The following SLC17A7 variants were observed in gnomAD, a reference collection of about 807,000 sequenced individuals.
The protein encoded by SLC17A7 is vesicular glutamate transporter 1.
In SLC17A7, 15 loss-of-function variants were observed where a neutral mutation model predicts 59.1. That is an observed-to-expected ratio of 0.25 (90% confidence interval 0.17 to 0.39). The LOEUF is 0.39. SLC17A7 is among the 10% of genes least tolerant of loss of function. The pLI, the probability that SLC17A7 is intolerant of heterozygous loss-of-function variation, is 1.00. For synonymous variants in SLC17A7, 353 were observed against 308.9 expected (o/e 1.14, Z -1.50); for missense variants, 499 against 765.1 (o/e 0.65, Z 4.10).
chr19:49,436,998 A>T lies in SLC17A7; in HGVS notation c.63-197T>A. On this transcript the variant is annotated intron_variant, in intron 1 of 11. Transcript: ENST00000221485. This position sits in a 1 kb window ranked among gnomAD's most constrained non-coding sequence, Gnocchi z 4.1. ...ATCCTCCATCTCCCTCAGACCGGGA[A>T]TTCAGGCCCCCAGCCCCCTCCTTCT... 4.4e-6 allele frequency: 3 copies of T among 677,264 alleles called. No homozygotes were observed. Among genetic ancestry groups the T allele is most frequent in the Non-Finnish European group, 4.8e-6 (2 of 415,024 alleles). The allele number at this position is 677,264 out of a possible 1,614,324, so 42.0% of individuals were successfully genotyped here.
At position 49,434,047 on chromosome 19, in the gene SLC17A7, C is replaced by G; in HGVS notation, c.638-1G>C. Reference sequence around the variant, plus strand: ...GCGACCACCGCCCCAGCATAGGAACCTAAGGGGGAGGATGCGGGGGAGAGA... The same window carrying G: ...GCGACCACCGCCCCAGCATAGGAACGTAAGGGGGAGGATGCGGGGGAGAGA... On this transcript the variant is annotated splice_acceptor_variant, in intron 5 of 11. Transcript: ENST00000221485. LOFTEE classifies it high-confidence loss of function. 6.2e-7 allele frequency: 1 copy of G among 1,609,494 alleles called. No individual in the cohort carries two copies. Among genetic ancestry groups the G allele is most frequent in the Non-Finnish European group, 8.5e-7 (1 of 1,176,254 alleles).
At chr19:49,441,208 G>T in intron 1 of SLC17A7, 110 bp downstream of exon 1, 1 of 1,520,856 alleles carries the variant, frequency 6.6e-7, no homozygotes. Flanking sequence ...CAGATGGGTG[G>T]ACCCCCATGC....
intron 1 of SLC17A7, chr19:49,437,136 G>T: frequency 2.4e-6 from 1 of 409,792 alleles, no homozygotes; most frequent in Non-Finnish European, 4.5e-6. Context: ...CCCACTCCGA[G>T]GCCCAAAGAC....
At position 49,432,561 on chromosome 19, in the gene SLC17A7, T is replaced by C; in HGVS notation, c.1108A>G (p.Ile370Val). The C allele has an allele frequency of 1.2e-6, 2 of 1,611,656 alleles. No individual in the cohort carries two copies. Among genetic ancestry groups the C allele is most frequent in the Non-Finnish European group, 1.7e-6 (2 of 1,179,522 alleles). The stretch of plus-strand genomic sequence containing the variant: ...TTGCGCACGTTGGTGGTGGACATGA[T>C]GCGGCGGCTCCGCAGGAAGTCCGCG... ...QIADFLRSRR[I>V]MSTTNVRKLM... The change falls in exon 9 of 12, where the codon ATC (isoleucine) becomes GTC (valine). Residue 370 changes from isoleucine (I) to valine (V), a missense_variant. Physicochemically the swap from Ile to Val is conservative, Grantham distance 29 (BLOSUM62 3). This residue lies in a region of SLC17A7 where 323 missense variants were observed against 607.2 expected (regional missense o/e 0.53). Coordinates refer to ENST00000221485, the MANE Select transcript of SLC17A7 (RefSeq NM_020309.4).
In SLC17A7 at chr19:49,431,215, C is replaced by T; in HGVS notation, c.1262-73G>A. The stretch of plus-strand genomic sequence containing the variant: ...GTGATTCCCACTGGGACGTTCTCAA[C>T]CCTCTCCCCTCCCCGCCACTCATGT... On this transcript the variant is annotated intron_variant, in intron 10 of 11. Transcript: ENST00000221485. The surrounding 1 kb of genome is among the most constrained non-coding windows in gnomAD (Gnocchi z 4.6). 1 of 1,565,024 alleles carries T rather than the reference C, an allele frequency of 6.4e-7. No individual in the cohort carries two copies. Among genetic ancestry groups the T allele is most frequent in the Non-Finnish European group, 8.7e-7 (1 of 1,152,490 alleles).
chr19:49,432,202 G>A (rs917908366), intron 9 of SLC17A7, among the ~76,000 whole-genome samples: 3 of 152,178 alleles, frequency 2.0e-5, no homozygotes, highest in African/African-American at 7.2e-5. Flanking sequence ...TCATCACCTA[G>A]TTCATGTCCT....
chr19:49,436,597 G>T lies in SLC17A7; in HGVS notation c.267C>A (p.Ser89=). ...GGTGGGTCGTGCTGTTATTGACCAT[G>T]GAGACGATGGCCACGCCCAGGTTGC... The part of the protein sequence containing the change: ...IRCNLGVAIV[S]MVNNSTTHRG... Residue 89 remains serine, a synonymous_variant, in exon 2 of 12, where the codon TCC becomes TCA. Coordinates refer to ENST00000221485, the MANE Select transcript of SLC17A7 (RefSeq NM_020309.4). This position sits in a 1 kb window ranked among gnomAD's most constrained non-coding sequence, Gnocchi z 4.1. The T allele has an allele frequency of 6.2e-7, 1 of 1,614,004 alleles. No homozygotes were observed. The highest frequency in any genetic ancestry group is 2.2e-5 in the East Asian group (1 of 44,878).
intron 3 of SLC17A7, 101 bp from the exon 4 acceptor site, chr19:49,434,983 C>T (rs1293356234): frequency 2.5e-6 from 3 of 1,194,110 alleles, no homozygotes; most frequent in Admixed American, 1.8e-5. Context: ...TCCCCGGGAC[C>T]CCAGGTCCCA....
Position 49,436,474 on chromosome 19 carries a change from G to A in SLC17A7, c.315+75C>T, listed in dbSNP as rs546951877. ...CGTGGCCTGGACGTCTGGTGGGTGA[G>A]TGTGACGTCATGGGGGCGTAGGCGG... On this transcript the variant is annotated intron_variant, in intron 2 of 11. Coordinates refer to ENST00000221485, the MANE Select transcript of SLC17A7 (RefSeq NM_020309.4). This position sits in a 1 kb window ranked among gnomAD's most constrained non-coding sequence, Gnocchi z 4.1. 1.5e-5 allele frequency: 23 copies of A among 1,555,098 alleles called. No individual in the cohort carries two copies. The Admixed American group carries it at 3.4e-4, about 23-fold the overall frequency.
Position 49,430,826 on chromosome 19 carries a change from T to C in SLC17A7, c.1390-14A>G. On this transcript the variant is annotated splice_polypyrimidine_tract_variant and intron_variant, in intron 11 of 11. Coordinates refer to ENST00000221485, the MANE Select transcript of SLC17A7 (RefSeq NM_020309.4). ...CTCCTCCCGAGTCTGCAGGGGACAATAGGGCTGAGGTCAAATGGGAGGACA... is the reference window on the plus strand; with the variant it reads ...CTCCTCCCGAGTCTGCAGGGGACAACAGGGCTGAGGTCAAATGGGAGGACA... The C allele has an allele frequency of 6.3e-7, 1 of 1,596,480 alleles. No homozygotes were observed. The highest frequency in any genetic ancestry group is 1.1e-5 in the South Asian group (1 of 88,438).
rs75984280 is a variant in SLC17A7, at chr19:49,431,578, C to T, written c.1151-130G>A. On this transcript the variant is annotated intron_variant, in intron 9 of 11. Transcript: ENST00000221485. This position sits in a 1 kb window ranked among gnomAD's most constrained non-coding sequence, Gnocchi z 4.6. ...ATCCACCCCAGTCTGGCCACCTCCA[C>T]GCCCAGGCCTCTTCGCGCCCTCCAC... The T allele has an allele frequency of 0.084, 59,168 of 700,378 alleles. 3,214 individuals are homozygous for T. The highest frequency in any genetic ancestry group is 0.11 in the Non-Finnish European group (45,437 of 416,868). The allele number at this position is 700,378 out of a possible 1,614,324, so 43.4% of individuals were successfully genotyped here. A position where few individuals can be genotyped will look rare whatever the true frequency, so the allele number is the denominator to read the frequency against.
At chr19:49,434,415 T>C (rs1371628819) in intron 5 of SLC17A7, among the ~76,000 whole-genome samples, 187 bp downstream of exon 5, 60 of 86,072 alleles carry the variant, frequency 7.0e-4, no homozygotes, top group African/African-American at 1.0e-3. Flanking sequence ...GCCCCTCCTC[T>C]CTCAGACCCA....
In SLC17A7 at chr19:49,434,115, C is replaced by T; in HGVS notation, c.638-69G>A. 3.0e-6 allele frequency: 3 copies of T among 1,008,082 alleles called. 1 individual carries two copies. Among genetic ancestry groups the T allele is most frequent in the Non-Finnish European group, 4.7e-6 (3 of 641,594 alleles). 62.4% of individuals were successfully genotyped at this position (1,008,082 alleles called of 1,614,324 possible). A position where few individuals can be genotyped will look rare whatever the true frequency, so the allele number is the denominator to read the frequency against. ...CAGATCAAGGAGTGCGGACCCCCAC[C>T]GCTTCCCCCTTTCCAGACACTGAAT... On this transcript the variant is annotated intron_variant, in intron 5 of 11. Transcript: ENST00000221485.
Position 49,430,427 on chromosome 19 carries a change from A to C in SLC17A7, c.*92T>G. On this transcript the variant is annotated 3_prime_UTR_variant, in exon 12 of 12. Coordinates refer to ENST00000221485, the MANE Select transcript of SLC17A7 (RefSeq NM_020309.4). ...GTGCTTCTTAGGCCTGAGGCAGGAC[A>C]GAGAGGAGCAGGGTTCCTTGACACT... 1 of 899,594 alleles carries C rather than the reference A, an allele frequency of 1.1e-6. No individual in the cohort carries two copies. The highest frequency in any genetic ancestry group is 1.7e-6 in the Non-Finnish European group (1 of 592,566). 55.7% of individuals were successfully genotyped at this position (899,594 alleles called of 1,614,324 possible).
In SLC17A7 at chr19:49,436,934, G is replaced by A. The variant is rs958814842; in HGVS notation, c.63-133C>T. 1.5e-6 allele frequency: 2 copies of A among 1,333,962 alleles called. No homozygotes were observed. The highest frequency in any genetic ancestry group is 2.7e-5 in the Admixed American group (1 of 36,598). The allele number at this position is 1,333,962 out of a possible 1,614,324, so 82.6% of individuals were successfully genotyped here. On this transcript the variant is annotated intron_variant, in intron 1 of 11. Transcript: ENST00000221485. This position sits in a 1 kb window ranked among gnomAD's most constrained non-coding sequence, Gnocchi z 4.1. ...GCCCGCACCTCCTCCTTCACCAAGAGTCCAGGTCCCTGGCTCCCTTCGCCC... is the reference window on the plus strand; with the variant it reads ...GCCCGCACCTCCTCCTTCACCAAGAATCCAGGTCCCTGGCTCCCTTCGCCC...
intron 7 of SLC17A7, 22 bp from the exon 8 acceptor site, chr19:49,432,982 C>G (rs2078966585): frequency 1.3e-6 from 2 of 1,598,710 alleles, no homozygotes; most frequent in Non-Finnish European, 1.7e-6. Context: ...AGGGGAGGGC[C>G]GCTAAGACGG....
chr19:49,431,328 C>T lies in SLC17A7; in HGVS notation c.1261+10G>A, dbSNP rs1404548442. ...CAGAGTCCCCCAAGCTGCGGATCCG[C>T]GGTTCTCACCAGAGATGGCGAAGCC... is the stretch of plus-strand genomic sequence containing the variant. On this transcript the variant is annotated intron_variant, in intron 10 of 11. Coordinates refer to ENST00000221485, the MANE Select transcript of SLC17A7 (RefSeq NM_020309.4). This position sits in a 1 kb window ranked among gnomAD's most constrained non-coding sequence, Gnocchi z 4.6. 1.2e-6 allele frequency: 2 copies of T among 1,613,350 alleles called. No homozygotes were observed. Among genetic ancestry groups the T allele is most frequent in the African/African-American group, 2.7e-5 (2 of 75,024 alleles).
rs1390301901 is a variant in SLC17A7 at position 49,436,714 on chromosome 19, C to T, written c.150G>A (p.Pro50=). The change falls in exon 2 of 12, where the codon CCG becomes CCA. Residue 50 remains proline, a synonymous_variant. Transcript: ENST00000221485. This position sits in a 1 kb window ranked among gnomAD's most constrained non-coding sequence, Gnocchi z 4.1. The stretch of plus-strand genomic sequence containing the variant: ...GGCCGAAGCAGGTGCAGTCCACCAC[C>T]GGCGGGTCCCGGGTCTGCGTGGTCA... ...RPVTTQTRDP[P]VVDCTCFGLP... 1 of 1,612,694 alleles carries T rather than the reference C, an allele frequency of 6.2e-7. No homozygotes were observed. The highest frequency in any genetic ancestry group is 8.5e-7 in the Non-Finnish European group (1 of 1,179,952).
chr19:49,432,642 C>A lies in SLC17A7; in HGVS notation c.1027G>T (p.Val343Leu). ...ATGACCAGGTGGGGCAGCGCGGACA[C>A]CAGGCCTACCTGCGGGAACAGGTGT... The part of the protein sequence containing the change: ...FGFEISKVGL[V>L]SALPHLVMTI... The change falls in exon 9 of 12, where the codon GTG becomes TTG. Residue 343 changes from valine to leucine, a missense_variant. Transcript: ENST00000221485. 8 of 1,607,330 alleles carry A rather than the reference C, an allele frequency of 5.0e-6. No homozygotes were observed. The highest frequency in any genetic ancestry group is 6.8e-6 in the Non-Finnish European group (8 of 1,178,518).
Sources: allele counts gnomAD v4.1 joint callset (sites outside exome capture counted in the v4.1 genomes callset), GRCh38; gene constraint gnomAD v4.1.1; regional missense constraint gnomAD v4.1.1; non-coding constraint Gnocchi (gnomAD v3.1); transcripts MANE v1.5; gene names NCBI Gene and HGNC (gene_info 2026-07-23, HGNC 2026-07-21).